APPL2: variants seen among roughly 807,000 people sequenced by gnomAD.
The protein encoded by APPL2 is DCC-interacting protein 13-beta.
A neutral mutation model predicts 92.7 loss-of-function variants in APPL2; 84 were observed. The observed-to-expected ratio is 0.91, with a 90% CI of 0.76 to 1.09. The LOEUF is 1.09. Ranked by LOEUF, APPL2 falls within the 50% of genes least tolerant of loss-of-function variation. The probability of loss-of-function intolerance (pLI) is 0.00; values close to 1 mark genes in which losing one functional copy is unlikely to be tolerated. For missense variants in APPL2, 736 were observed against 824.5 expected, an observed-to-expected ratio of 0.89 and a Z score of 1.31; for synonymous variants, 291 against 291.0, an observed-to-expected ratio of 1.00 and a Z score of 0.00.
intron 7 of APPL2, among the ~76,000 whole-genome samples, chr12:105,207,473 A>G (rs923011129): frequency 2.0e-5 from 3 of 152,264 alleles, no homozygotes; most frequent in Non-Finnish European, 4.4e-5. Context: ...CTTCAGGATA[A>G]CAATATGGCA....
rs796542192 is a variant in APPL2 at position 105,187,969 on chromosome 12, GA to G, written c.1634+303del. 5.0e-3 allele frequency among the ~76,000 whole-genome samples: 684 copies of G among 137,764 alleles called. 2 individuals carry two copies. The highest frequency in any genetic ancestry group is 0.015 in the African/African-American group (581 of 37,650). 90.4% of individuals were successfully genotyped at this position (137,764 alleles called of 152,430 possible). A position where few individuals can be genotyped will look rare whatever the true frequency, so the allele number is the denominator to read the frequency against. ...TTTTATAAATAGTACTCTCAGAAATGAAAAAAAAAAAGCAAAACCAAAAAAC... is the reference window on the plus strand; with the variant it reads ...TTTTATAAATAGTACTCTCAGAAATGAAAAAAAAAAGCAAAACCAAAAAAC... On this transcript the variant is annotated intron_variant, in intron 17 of 20. Transcript: ENST00000258530.
At position 105,203,765 on chromosome 12, in the gene APPL2, T is replaced by A. The variant is rs143421124; in HGVS notation, c.642A>T (p.Gly214=). 201 of 1,613,776 alleles carry A rather than the reference T, an allele frequency of 1.2e-4. No individual in the cohort carries two copies. Among genetic ancestry groups the A allele is most frequent in the Non-Finnish European group, 1.6e-4 (190 of 1,179,746 alleles). Residue 214 remains glycine (G), a synonymous_variant, in exon 9 of 21, where the codon GGA becomes GGT. Coordinates refer to ENST00000258530, the MANE Select transcript of APPL2 (RefSeq NM_018171.5). ...AHGQINFFKK[G]AEMFSKRMDS... is the part of the protein sequence containing the mutation. ...CCATACGTTTGGAAAACATCTCTGC[T>A]CCCTTCTTAAAAAAGTTAATCTGAA...
At chr12:105,196,545 C>A (rs1349037330) in intron 11 of APPL2, among the ~76,000 whole-genome samples, 7 of 149,398 alleles carry the variant, frequency 4.7e-5, no homozygotes, top group Non-Finnish European at 1.0e-4. Flanking sequence ...AAGCGATTCT[C>A]CTGCCTCAGC....
chr12:105,236,114 C>G lies in APPL2; in HGVS notation c.-102G>C. The G allele has an allele frequency of 5.9e-6, 5 of 842,004 alleles. No individual in the cohort carries two copies. The highest frequency in any genetic ancestry group is 7.7e-6 in the Non-Finnish European group (5 of 650,614). The allele number at this position is 842,004 out of a possible 1,614,324, so 52.2% of individuals were successfully genotyped here. On this transcript the variant is annotated 5_prime_UTR_variant, in exon 1 of 21. Transcript: ENST00000258530. ...GCTCTGGGCTCAGGCGACGCGGCGG[C>G]CACTCCGTGCCCGCGGCGGCCCCGC...
intron 1 of APPL2, among the ~76,000 whole-genome samples, chr12:105,230,558 C>T (rs537508347): frequency 6.6e-6 from 1 of 152,320 alleles, no homozygotes; most frequent in Non-Finnish European, 1.5e-5. Flanking sequence ...CTCACTAAGG[C>T]TCATTATTTC....
intron 17 of APPL2, among the ~76,000 whole-genome samples, chr12:105,182,480 T>C (rs1280092910): frequency 6.6e-6 from 1 of 152,238 alleles, no homozygotes; most frequent in Non-Finnish European, 1.5e-5. Flanking sequence ...TCAAGTAATT[T>C]ATTTATTTTT....
Position 105,189,791 on chromosome 12 carries a change from T to C in APPL2, c.1440A>G (p.Glu480=), listed in dbSNP as rs1887039229. ...RTNPFGETED[E]SFPEAEDSLL... is the part of the protein sequence containing the mutation. ...ACTTACCTTCTGCTTCTGGAAATGA[T>C]TCATCCTCAGTTTCACCAAAAGGGT... Residue 480 remains glutamate (E), a synonymous_variant, in exon 16 of 21, where the codon GAA becomes GAG. Transcript: ENST00000258530. 1 of 1,614,216 alleles carries C rather than the reference T, an allele frequency of 6.2e-7. No individual in the cohort carries two copies. The highest frequency in any genetic ancestry group is 8.5e-7 in the Non-Finnish European group (1 of 1,180,024).
In APPL2 at chr12:105,174,010, C is replaced by G. The variant is rs2135861888; in HGVS notation, c.*304G>C. 9.4e-6 allele frequency: 2 copies of G among 213,862 alleles called. No individual in the cohort carries two copies. The highest frequency in any genetic ancestry group is 2.9e-4 in the South Asian group (2 of 6,912). 13.2% of individuals were successfully genotyped at this position (213,862 alleles called of 1,614,324 possible). A position where few individuals can be genotyped will look rare whatever the true frequency, so the allele number is the denominator to read the frequency against. ...CTGGAAACTGAAAAGAGATGACATT[C>G]ATATGAACAATGCATTTTTCAAACT... On this transcript the variant is annotated 3_prime_UTR_variant, in exon 21 of 21. Transcript: ENST00000258530.
rs748355709 is a variant in APPL2 at position 105,188,264 on chromosome 12, T to C, written c.1634+9A>G. ...CCATAAGAAAGTCTGAAAATAAAAC[T>C]GAACGTACCTCAAAGATTGACTGGT... On this transcript the variant is annotated intron_variant, in intron 17 of 20. Coordinates refer to ENST00000258530, the MANE Select transcript of APPL2 (RefSeq NM_018171.5). The C allele has an allele frequency of 7.4e-6, 12 of 1,613,552 alleles. No individual in the cohort carries two copies. Among genetic ancestry groups the C allele is most frequent in the Non-Finnish European group, 1.0e-5 (12 of 1,179,646 alleles).
At chr12:105,233,075 A>T (rs1891036991) in intron 1 of APPL2, 5 of 985,180 alleles carry the variant, frequency 5.1e-6, no homozygotes, top group Non-Finnish European at 6.0e-6. Flanking sequence ...CCTTACCTCA[A>T]AAGTGTACTA....
intron 12 of APPL2, 39 bp from the exon 13 acceptor site, chr12:105,195,540 T>C: frequency 6.2e-7 from 1 of 1,614,182 alleles, no homozygotes; most frequent in Non-Finnish European, 8.5e-7. Flanking sequence ...AATCCCAAAG[T>C]CACCCACCAC....
At chr12:105,184,076 C>T (rs548204145) in intron 17 of APPL2, among the ~76,000 whole-genome samples, 49 of 152,238 alleles carry the variant, frequency 3.2e-4, no homozygotes, top group South Asian at 2.7e-3. Context: ...GTATGCTTCA[C>T]GAAGTTCTCG....
intron 20 of APPL2, among the ~76,000 whole-genome samples, chr12:105,174,721 T>G (rs1318685020): frequency 2.6e-5 from 4 of 152,254 alleles, no homozygotes; most frequent in African/African-American, 9.6e-5. Flanking sequence ...ACAGAACTTT[T>G]GTCTTCTCTA....
Position 105,174,447 on chromosome 12 carries a change from T to C in APPL2, c.1862A>G (p.Asp621Gly), listed in dbSNP as rs1885285915. The C allele has an allele frequency of 6.2e-7, 1 of 1,612,674 alleles. No homozygotes were observed. Among genetic ancestry groups the C allele is most frequent in the Admixed American group, 1.7e-5 (1 of 59,764 alleles). ...CATTAATTGAGCCAGTGCTTCTGGA[T>C]CCTGAAGTTAGGAGAGTTTAAAAGG... is the stretch of plus-strand genomic sequence containing the variant. ...LGKEIIEVQK[D>G]PEALAQLMLS... Residue 621 changes from aspartate (D) to glycine (G), a missense_variant and splice_region_variant, in exon 21 of 21, where the codon GAT becomes GGT. Coordinates refer to ENST00000258530, the MANE Select transcript of APPL2 (RefSeq NM_018171.5).
chr12:105,187,968 T>TG (rs1287847902), intron 17 of APPL2, among the ~76,000 whole-genome samples: 4 of 149,258 alleles, frequency 2.7e-5, no homozygotes, highest in Non-Finnish European at 5.9e-5. Flanking sequence ...CTCTCAGAAA[T>TG]GAAAAAAAAA....
In APPL2 at chr12:105,195,997, G is replaced by A. The variant is rs561561300; in HGVS notation, c.1053-370C>T. ...TCGAGCCCAGGAGGCTGAGGCTGCA[G>A]TGAGTGGTGACTGTGCCACTGCACT... On this transcript the variant is annotated intron_variant, in intron 11 of 20. Transcript: ENST00000258530. Among the ~76,000 whole-genome samples the A allele has an allele frequency of 2.6e-5, 4 of 151,522 alleles. No homozygotes were observed. The South Asian group carries it at 8.3e-4, about 32-fold the overall frequency.
At position 105,176,884 on chromosome 12, in the gene APPL2, C is replaced by A. The variant is rs762321746; in HGVS notation, c.1804G>T (p.Gly602Cys). 2 of 1,613,776 alleles carry A rather than the reference C, an allele frequency of 1.2e-6. No individual in the cohort carries two copies. Among genetic ancestry groups the A allele is most frequent in the African/African-American group, 1.3e-5 (1 of 74,896 alleles). The change falls in exon 19 of 21, where the codon GGC becomes TGC. Residue 602 changes from glycine (G) to cysteine (C), a missense_variant. Transcript: ENST00000258530. Reference sequence around the variant, plus strand: ...TCACATGAAAAAGAGACCTTTTCGCCTTCTGAGTTGCTTTCAAAAATGTAT... The same window carrying A: ...TCACATGAAAAAGAGACCTTTTCGCATTCTGAGTTGCTTTCAAAAATGTAT... ...STYIFESNSE[G>C]EKICYAINLG...
intron 17 of APPL2, among the ~76,000 whole-genome samples, chr12:105,185,450 TG>T (rs1193259017): frequency 6.6e-6 from 1 of 152,142 alleles, no homozygotes; most frequent in Non-Finnish European, 1.5e-5. Flanking sequence ...GCCTAGTATC[TG>T]GGCTGGATAG....
chr12:105,220,582 T>A (rs1171919479), intron 2 of APPL2, among the ~76,000 whole-genome samples: 1 of 152,220 alleles, frequency 6.6e-6, no homozygotes, highest in Non-Finnish European at 1.5e-5. Context: ...AACTCTAATA[T>A]GTTACTTCCC....
Sources: gnomAD v4.1 joint callset for allele counts (sites outside exome capture counted in the v4.1 genomes callset) on GRCh38, gnomAD v4.1.1 for gene constraint, MANE v1.5 for transcripts, NCBI Gene and HGNC (gene_info 2026-07-23, HGNC 2026-07-21) for gene names.